Variants in MAGI1 observed in about 807,000 individuals in gnomAD.
MAGI1 encodes the protein membrane associated guanylate kinase, WW and PDZ domain containing 1.
MAGI1 carries 58 observed loss-of-function variants against 139.9 expected under a neutral mutation model. The observed-to-expected ratio is 0.41, with a 90% CI of 0.34 to 0.52. The LOEUF is 0.52. Ranked by LOEUF, MAGI1 falls within the 20% of genes least tolerant of loss-of-function variation. The pLI, the probability that MAGI1 is intolerant of heterozygous loss-of-function variation, is 0.12. For missense variants in MAGI1, 1,874 were observed against 1,901.6 expected, an observed-to-expected ratio of 0.99 and a Z score of 0.27; for synonymous variants, 812 against 737.9, an observed-to-expected ratio of 1.10 and a Z score of -1.63.
At chr3:65,471,401 C>T (rs1011962850) in intron 4 of MAGI1, among the ~76,000 whole-genome samples, 10 of 152,150 alleles carry the variant, frequency 6.6e-5, no homozygotes, top group African/African-American at 2.2e-4. Context: ...TCTGATTTAG[C>T]AAAAACAGAG....
chr3:65,379,788 A>G (rs1309135712), intron 16 of MAGI1, among the ~76,000 whole-genome samples: 1 of 152,150 alleles, frequency 6.6e-6, no homozygotes, highest in Non-Finnish European at 1.5e-5. Context: ...GGGACTCCCA[A>G]ATAGCGTTTG....
At chr3:65,639,959 A>G (rs2084893209) in intron 1 of MAGI1, among the ~76,000 whole-genome samples, 1 of 150,936 alleles carries the variant, frequency 6.6e-6, no homozygotes, top group African/African-American at 2.4e-5. Flanking sequence ...CCAAGATCGT[A>G]GCCTGGGCAA....
intron 1 of MAGI1, among the ~76,000 whole-genome samples, chr3:65,904,124 A>G (rs1417514360): frequency 1.3e-5 from 2 of 152,196 alleles, no homozygotes; most frequent in Non-Finnish European, 2.9e-5. Flanking sequence ...AGATTGTGCC[A>G]TAACTTTTTG....
intron 12 of MAGI1, among the ~76,000 whole-genome samples, chr3:65,408,562 A>T (rs1022040461): frequency 6.6e-6 from 1 of 152,204 alleles, no homozygotes; most frequent in African/African-American, 2.4e-5. Flanking sequence ...AGAATTGATG[A>T]TTATTTGACT....
intron 1 of MAGI1, among the ~76,000 whole-genome samples, chr3:65,760,908 G>A (rs56201052): frequency 3.9e-5 from 6 of 152,124 alleles, no homozygotes; most frequent in African/African-American, 7.2e-5. Context: ...GGGAGGCTTC[G>A]TAGAAACACT....
At chr3:65,637,552 CAAAAAAAGAAAGAAAGAAAGAAAG>C (rs1014654354) in intron 1 of MAGI1, among the ~76,000 whole-genome samples, 3 of 87,790 alleles carry the variant, frequency 3.4e-5, no homozygotes, top group African/African-American at 1.4e-4. Context: ...ACCCTGTCTC[CAAAAAAAGAAAGAAAGAAAGAAAG>C]AAAGAAAGAA....
At chr3:65,884,008 G>A (rs1024306872) in intron 1 of MAGI1, among the ~76,000 whole-genome samples, 2 of 151,986 alleles carry the variant, frequency 1.3e-5, no homozygotes, top group Non-Finnish European at 2.9e-5. Context: ...TCAGAAAGAA[G>A]GAAAATGAAA....
intron 1 of MAGI1, among the ~76,000 whole-genome samples, chr3:65,686,441 A>T (rs1273012002): frequency 6.6e-6 from 1 of 152,022 alleles, no homozygotes; most frequent in Non-Finnish European, 1.5e-5. Context: ...GCAGGCGCAC[A>T]CCACCAAGCC....
chr3:65,873,960 A>C (rs371238112), intron 1 of MAGI1: 1 of 152,100 alleles, frequency 6.6e-6, no homozygotes, highest in African/African-American at 2.4e-5. Flanking sequence ...AAATAGATAA[A>C]AGTTTTGTGC....
intron 1 of MAGI1, among the ~76,000 whole-genome samples, chr3:65,864,506 G>T (rs368813584): frequency 1.3e-5 from 2 of 152,224 alleles, no homozygotes; most frequent in Admixed American, 6.5e-5. Context: ...AAGGCCACCC[G>T]TCAGCGAGAC....
chr3:65,864,277 G>C (rs934098846), intron 1 of MAGI1, among the ~76,000 whole-genome samples: 3 of 152,154 alleles, frequency 2.0e-5, no homozygotes, highest in African/African-American at 7.2e-5. Flanking sequence ...TTCACCAAAA[G>C]CTCAACACTG....
At chr3:65,850,636 T>C (rs2059168943) in intron 1 of MAGI1, among the ~76,000 whole-genome samples, 2 of 152,160 alleles carry the variant, frequency 1.3e-5, no homozygotes, top group African/African-American at 4.8e-5. Flanking sequence ...GGGCTTTTTG[T>C]CCTCTGTTTT....
At chr3:65,883,334 G>GTAC (rs2108536788) in intron 1 of MAGI1, among the ~76,000 whole-genome samples, 1 of 152,292 alleles carries the variant, frequency 6.6e-6, no homozygotes, top group Non-Finnish European at 1.5e-5. Flanking sequence ...CACAGAAGTT[G>GTAC]TACTAGCAAA....
At position 65,662,120 on chromosome 3, in the gene MAGI1, G is replaced by C. The variant is rs114611145; in HGVS notation, c.314-40032C>G. ...TTACCAAGAACTTTCACAAGTTCAG[G>C]ATGGAGGCTGAAGTGGAATAAACCA... On this transcript the variant is annotated intron_variant, in intron 1 of 22. Transcript: ENST00000402939. Among the ~76,000 whole-genome samples the C allele has an allele frequency of 3.9e-3, 596 of 152,248 alleles. 5 individuals carry two copies. Among genetic ancestry groups the C allele is most frequent in the African/African-American group, 0.013 (556 of 41,558 alleles).
chr3:65,866,941 C>T (rs2059750426), intron 1 of MAGI1, among the ~76,000 whole-genome samples: 2 of 152,112 alleles, frequency 1.3e-5, no homozygotes, highest in African/African-American at 4.8e-5. Context: ...CTGGCTGTCC[C>T]GGACAGGATG....
Position 65,391,142 on chromosome 3 carries a change from G to A in MAGI1, c.2416C>T (p.Leu806Phe), listed in dbSNP as rs778744814. 22 of 1,613,838 alleles carry A rather than the reference G, an allele frequency of 1.4e-5. No individual in the cohort carries two copies. Among genetic ancestry groups the A allele is most frequent in the African/African-American group, 4.0e-5 (3 of 74,908 alleles). The change falls in exon 14 of 23, where the codon CTT becomes TTT. Residue 806 changes from leucine (L) to phenylalanine (F), a missense_variant and splice_region_variant. Leu to Phe is a conservative substitution (Grantham distance 22). This residue lies in a region of MAGI1 where 482 missense variants were observed against 509.6 expected (regional missense o/e 0.95). Coordinates refer to ENST00000402939, the MANE Select transcript of MAGI1 (RefSeq NM_001033057.2). ...AQSRSMYENRLPDYQEQDIFL... is the reference protein window; with the variant it reads ...AQSRSMYENRFPDYQEQDIFL... ...AGACAGAGGCCAGGATGCTACTCACGTCGGTTTTCATACATGCTCCTGGAC... is the reference window on the plus strand; with the variant it reads ...AGACAGAGGCCAGGATGCTACTCACATCGGTTTTCATACATGCTCCTGGAC...
At chr3:65,742,245 T>G (rs1217905699) in intron 1 of MAGI1, among the ~76,000 whole-genome samples, 3 of 152,092 alleles carry the variant, frequency 2.0e-5, no homozygotes, top group Non-Finnish European at 4.4e-5. Flanking sequence ...ATGAATCAGG[T>G]TCCCTGCCAA....
chr3:65,514,189 T>TA (rs2077741151), intron 2 of MAGI1, among the ~76,000 whole-genome samples: 1 of 151,244 alleles, frequency 6.6e-6, no homozygotes, highest in Non-Finnish European at 1.5e-5. Context: ...ACGTTAGACT[T>TA]AAAACCATAA....
intron 3 of MAGI1, among the ~76,000 whole-genome samples, chr3:65,484,967 T>C (rs929529318): frequency 6.6e-6 from 1 of 152,210 alleles, no homozygotes; most frequent in Admixed American, 6.5e-5. Context: ...TCTGATTTTG[T>C]GTACCACTGT....
Sources: gnomAD v4.1 joint callset for allele counts (sites outside exome capture counted in the v4.1 genomes callset) on GRCh38, gnomAD v4.1.1 for gene constraint, gnomAD v4.1.1 regional missense constraint, MANE v1.5 for transcripts, NCBI Gene and HGNC (gene_info 2026-07-23, HGNC 2026-07-21) for gene names.